PRH1: variants seen among roughly 807,000 people sequenced by gnomAD.
PRH1 encodes proline rich protein HaeIII subfamily 1, also known as salivary acidic proline-rich phosphoprotein 1/2.
Under a neutral mutation model 7.9 loss-of-function variants are expected in PRH1, and 7 were observed. The observed-to-expected ratio is 0.89, with a 90% CI of 0.50 to 1.67. The LOEUF is 1.67. Among genes scored for constraint, PRH1 ranks in the 40% most tolerant of loss-of-function variants. The pLI is 0.00. For synonymous variants in PRH1, 45 were observed against 80.8 expected (o/e 0.56, Z 2.38); for missense variants, 109 against 223.6 (o/e 0.49, Z 3.27).
At chr12:11,145,757 A>C (rs1368695435) in intron 1 of PRH1, among the ~76,000 whole-genome samples, 1 of 118,210 alleles carries the variant, frequency 8.5e-6, no homozygotes. Flanking sequence ...TTTAAAAATT[A>C]AGAACTTTTT....
At chr12:11,110,064 A>G (rs1945542060) in intron 1 of PRH1, among the ~76,000 whole-genome samples, 2 of 152,156 alleles carry the variant, frequency 1.3e-5, no homozygotes, top group Non-Finnish European at 2.9e-5. Context: ...GGAAGAAAGG[A>G]TATCAGACAT....
chr12:10,964,954 T>C (rs1174153749), intron 2 of PRH1: 5 of 631,214 alleles, frequency 7.9e-6, no homozygotes, highest in Non-Finnish European at 1.4e-5. Context: ...AAGACCCCAA[T>C]AGTATCACTG....
intron 1 of PRH1, among the ~76,000 whole-genome samples, chr12:11,169,905 A>G (rs1282282725): frequency 1.3e-5 from 2 of 152,220 alleles, no homozygotes; most frequent in Non-Finnish European, 2.9e-5. Context: ...CAAATTTATC[A>G]GTGGCACGTT....
chr12:11,004,895 T>G (rs1940757983), intron 1 of PRH1, among the ~76,000 whole-genome samples: 1 of 152,160 alleles, frequency 6.6e-6, no homozygotes, highest in African/African-American at 2.4e-5. Flanking sequence ...AGTCTATAAG[T>G]TTAATAATAG....
intron 1 of PRH1, among the ~76,000 whole-genome samples, chr12:11,028,909 TG>T: frequency 6.6e-6 from 1 of 152,392 alleles, no homozygotes; most frequent in South Asian, 2.1e-4. Flanking sequence ...GGGGAATTCA[TG>T]CAACTGCAGA....
At chr12:11,122,022 T>A (rs1945924242) in intron 1 of PRH1, among the ~76,000 whole-genome samples, 1 of 152,258 alleles carries the variant, frequency 6.6e-6, no homozygotes, top group Admixed American at 6.5e-5. Context: ...TACATATATA[T>A]GTGAAATGTA....
At chr12:11,016,943 G>A (rs547821633) in intron 1 of PRH1, among the ~76,000 whole-genome samples, 13 of 152,294 alleles carry the variant, frequency 8.5e-5, no homozygotes, top group Non-Finnish European at 5.9e-5. Flanking sequence ...TGCAGGGGAT[G>A]GTAGTCTTTT....
rs535515597 is a variant in PRH1 at position 11,006,821 on chromosome 12, C to T, written c.-125-33100G>A. Among the ~76,000 whole-genome samples the T allele has an allele frequency of 4.9e-4, 75 of 152,212 alleles. 1 individual carries two copies. The South Asian group carries it at 0.015, about 31-fold the overall frequency. On this transcript the variant is annotated intron_variant, in intron 1 of 3. Transcript: ENST00000539853. ...CATATGCTAATGGATGAGTTCAATG[C>T]TGCATTTATGGAAAATTTTCTTATT...
At chr12:11,130,895 T>C (rs976926300) in intron 1 of PRH1, among the ~76,000 whole-genome samples, 56 of 150,542 alleles carry the variant, frequency 3.7e-4, no homozygotes, top group Admixed American at 1.2e-3. Context: ...CTGGAGGGTA[T>C]GAGCACGTCT....
At chr12:11,115,199 C>T (rs974383419) in intron 1 of PRH1, among the ~76,000 whole-genome samples, 4 of 151,754 alleles carry the variant, frequency 2.6e-5, no homozygotes, top group South Asian at 2.1e-4. Flanking sequence ...AAGAAAACAA[C>T]GGGATGGAAA....
intron 2 of PRH1, among the ~76,000 whole-genome samples, chr12:10,960,692 T>G (rs1938197123): frequency 1.3e-5 from 2 of 152,198 alleles, no homozygotes; most frequent in South Asian, 4.2e-4. Context: ...TAATTGGTAT[T>G]CATAAGCAGG....
At chr12:10,938,316 G>C in intron 2 of PRH1, 1 of 1,613,780 alleles carries the variant, frequency 6.2e-7, no homozygotes, top group South Asian at 1.1e-5. Flanking sequence ...ATGTACCTCA[G>C]CCACAGTAGC....
chr12:11,061,498 G>A, intron 1 of PRH1: 1 of 1,614,154 alleles, frequency 6.2e-7, no homozygotes. Context: ...GAATGCAATA[G>A]CTTCGCAGAA....
At chr12:11,086,661 C>T (rs80323568) in intron 1 of PRH1, among the ~76,000 whole-genome samples, 52,914 of 111,120 alleles carry the variant, frequency 0.48, 8,362 homozygotes, top group Non-Finnish European at 0.57. Context: ...GGCCTGTAAT[C>T]CCAGCACTTT....
rs908021491 is a variant in PRH1 at position 10,973,561 on chromosome 12, T to A, written c.-59+94A>T. 21 of 682,842 alleles carry A rather than the reference T, an allele frequency of 3.1e-5. No individual in the cohort carries two copies. In the African/African-American group the frequency reaches 3.7e-4, roughly 12 times the overall value. 42.3% of individuals were successfully genotyped at this position (682,842 alleles called of 1,614,324 possible). On this transcript the variant is annotated intron_variant, in intron 2 of 3. Transcript: ENST00000539853. ...ATGAGAAGTTAGTACACTACTTGTA[T>A]AACTGCTTGCAATTTCACCTGTCTG...
intron 1 of PRH1, among the ~76,000 whole-genome samples, chr12:11,136,636 ATTATT>A (rs1444693635): frequency 6.6e-6 from 1 of 152,140 alleles, no homozygotes; most frequent in Non-Finnish European, 1.5e-5. Flanking sequence ...TCAAGACATT[ATTATT>A]TTATACAGCA....
chr12:10,945,667 A>G (rs10845251), intron 2 of PRH1, among the ~76,000 whole-genome samples: 39,163 of 152,108 alleles, frequency 0.26, 5,187 homozygotes, highest in African/African-American at 0.29. Context: ...TTATCAGGAG[A>G]CAGGGTTTGA....
chr12:11,071,952 G>A (rs1367366804), intron 1 of PRH1, among the ~76,000 whole-genome samples: 2 of 152,050 alleles, frequency 1.3e-5, no homozygotes, highest in Non-Finnish European at 2.9e-5. Context: ...GACTCTTTGT[G>A]CCCCTTCCCC....
intron 2 of PRH1, among the ~76,000 whole-genome samples, chr12:10,919,802 C>T (rs2135845012): frequency 6.6e-6 from 1 of 151,762 alleles, no homozygotes. Context: ...TTATTATATA[C>T]ATTTTATTTC....
Sources: allele counts gnomAD v4.1 joint callset (sites outside exome capture counted in the v4.1 genomes callset), GRCh38; gene constraint gnomAD v4.1.1; transcripts MANE v1.5; gene names NCBI Gene and HGNC (gene_info 2026-07-23, HGNC 2026-07-21).